The following GRAMD1A variants were observed in gnomAD, a reference collection of about 807,000 sequenced individuals.
GRAMD1A encodes GRAM domain containing 1A.
In GRAMD1A, 50 loss-of-function variants were observed where a neutral mutation model predicts 92.0. That is an observed-to-expected ratio of 0.54 (90% CI 0.43 to 0.69). GRAMD1A has a LOEUF of 0.69. Ranked by LOEUF, GRAMD1A falls within the 30% of genes least tolerant of loss-of-function variation. GRAMD1A has a pLI of 0.00. For missense variants in GRAMD1A, 819 were observed against 978.9 expected, an observed-to-expected ratio of 0.84 and a Z score of 2.18; for synonymous variants, 405 against 403.6, an observed-to-expected ratio of 1.00 and a Z score of -0.04.
In GRAMD1A at chr19:35,009,986, C is replaced by G; in HGVS notation, c.325+14C>G. ...GCCTCATTGTGGGTGAGTCCCGGAC[C>G]CCCAGTCCCAGCTCCTAGCCCAGCC... On this transcript the variant is annotated intron_variant, in intron 4 of 19. Coordinates refer to ENST00000317991, the MANE Select transcript of GRAMD1A (RefSeq NM_020895.5). 1 of 1,594,366 alleles carries G rather than the reference C, an allele frequency of 6.3e-7. No homozygotes were observed. The highest frequency in any genetic ancestry group is 1.7e-4 in the Middle Eastern group (1 of 6,028).
chr19:35,009,799 T>A, intron 3 of GRAMD1A, 89 bp from the exon 4 acceptor site: 1 of 822,840 alleles, frequency 1.2e-6, no homozygotes, highest in Non-Finnish European at 2.2e-6. Context: ...GTCAGGGACT[T>A]AAGAGACTGA....
At chr19:34,998,583 G>T (rs2014141689), upstream of GRAMD1A, 1 of 152,158 alleles carries the variant, frequency 6.6e-6, no homozygotes, top group South Asian at 2.1e-4. Context: ...GATTACAGGC[G>T]TGACCCAACG....
intron 17 of GRAMD1A, 92 bp downstream of exon 17, chr19:35,023,003 CA>C: frequency 9.2e-7 from 1 of 1,084,700 alleles, no homozygotes; most frequent in Admixed American, 2.1e-5. Context: ...CCAGCTCCCC[CA>C]GGGAGGTGGC....
intron 7 of GRAMD1A, among the ~76,000 whole-genome samples, chr19:35,012,601 C>T (rs1339296000): frequency 6.6e-6 from 1 of 152,126 alleles, no homozygotes; most frequent in Non-Finnish European, 1.5e-5. Flanking sequence ...GACCAAGTCA[C>T]TTGGTGACCT....
Position 35,021,394 on chromosome 19 carries a change from C to T in GRAMD1A, c.1476-108C>T. Reference sequence around the variant, plus strand: ...ACCCATCTGTTTTGTCTGTGAGTGACAAGGGGCCCTCTCTGAATTAGGGGA... The same window carrying T: ...ACCCATCTGTTTTGTCTGTGAGTGATAAGGGGCCCTCTCTGAATTAGGGGA... On this transcript the variant is annotated intron_variant, in intron 13 of 19. Transcript: ENST00000317991. This position sits in a 1 kb window ranked among gnomAD's most constrained non-coding sequence, Gnocchi z 5.3. The T allele has an allele frequency of 2.5e-6, 2 of 797,348 alleles. No individual in the cohort carries two copies. The highest frequency in any genetic ancestry group is 3.0e-5 in the South Asian group (2 of 67,782). 49.4% of individuals were successfully genotyped at this position (797,348 alleles called of 1,614,324 possible). A position where few individuals can be genotyped will look rare whatever the true frequency, so the allele number is the denominator to read the frequency against.
At chr19:35,016,947 A>C (rs1004315798) in intron 11 of GRAMD1A, among the ~76,000 whole-genome samples, 7 of 150,002 alleles carry the variant, frequency 4.7e-5, no homozygotes, top group African/African-American at 1.7e-4. Flanking sequence ...CAAGGTGGGA[A>C]GTTCATGTCA....
intron 7 of GRAMD1A, among the ~76,000 whole-genome samples, chr19:35,011,895 C>G (rs940904101): frequency 6.6e-6 from 1 of 152,180 alleles, no homozygotes; most frequent in African/African-American, 2.4e-5. Flanking sequence ...CCTCAGAGAG[C>G]CCCAGCCCCA....
chr19:35,009,795 G>A (rs2015085192), intron 3 of GRAMD1A, 93 bp from the exon 4 acceptor site: 7 of 805,656 alleles, frequency 8.7e-6, no homozygotes, highest in Admixed American at 5.2e-5. Flanking sequence ...ATCTGTCAGG[G>A]ACTTAAGAGA....
upstream of GRAMD1A, chr19:34,994,770 C>T (rs535015889): frequency 5.9e-5 from 9 of 152,400 alleles, no homozygotes; most frequent in African/African-American, 9.6e-5. Context: ...CCTGGTCTAC[C>T]GCCCTTCCCC....
chr19:35,023,092 C>T (rs2016188062), intron 17 of GRAMD1A, 144 bp from the exon 18 acceptor site: 2 of 805,174 alleles, frequency 2.5e-6, no homozygotes, highest in Middle Eastern at 2.3e-4. Flanking sequence ...GACTGTGCAA[C>T]CCTAGGCATG....
intron 13 of GRAMD1A, among the ~76,000 whole-genome samples, chr19:35,020,158 G>A (rs2015945459): frequency 6.6e-6 from 1 of 152,184 alleles, no homozygotes; most frequent in Non-Finnish European, 1.5e-5. Flanking sequence ...TTGGGAGGCT[G>A]AGGCAGGAGT....
intron 1 of GRAMD1A, among the ~76,000 whole-genome samples, chr19:35,004,133 G>A (rs182397904): frequency 9.9e-5 from 15 of 152,270 alleles, no homozygotes; most frequent in Admixed American, 3.3e-4. Context: ...GGAAGCTAAG[G>A]CTGGAGGATC....
upstream of GRAMD1A, among the ~76,000 whole-genome samples, chr19:34,999,021 G>A (rs945405382): frequency 2.0e-5 from 3 of 152,114 alleles, no homozygotes; most frequent in African/African-American, 7.2e-5. Flanking sequence ...AGCTGGGGCA[G>A]GGCTCTGAGC....
At chr19:35,009,730 G>C (rs981137898) in intron 3 of GRAMD1A, 158 bp from the exon 4 acceptor site, 1 of 661,512 alleles carries the variant, frequency 1.5e-6, no homozygotes, top group African/African-American at 1.8e-5. Context: ...GCTTACATAA[G>C]AAATCTGTAA....
At chr19:35,018,625 G>A (rs1373582268) in intron 11 of GRAMD1A, among the ~76,000 whole-genome samples, 1 of 152,208 alleles carries the variant, frequency 6.6e-6, no homozygotes, top group Non-Finnish European at 1.5e-5. Flanking sequence ...TTAACAAGAT[G>A]CCCCTGGACC....
At position 35,010,207 on chromosome 19, in the gene GRAMD1A, G is replaced by C. The variant is rs376965696; in HGVS notation, c.429+12G>C. 1.9e-5 allele frequency: 30 copies of C among 1,604,426 alleles called. No homozygotes were observed. Among genetic ancestry groups the C allele is most frequent in the Non-Finnish European group, 2.5e-5 (29 of 1,171,232 alleles). ...GCTGGGAGACCACGGTGAGCCCGCA[G>C]CGGGGCAGGGTACAGGGGCGGGGGC... On this transcript the variant is annotated intron_variant, in intron 5 of 19. Transcript: ENST00000317991.
intron 1 of GRAMD1A, among the ~76,000 whole-genome samples, chr19:35,007,345 G>A (rs2014895806): frequency 6.6e-6 from 1 of 151,998 alleles, no homozygotes. Flanking sequence ...CCTGAGGTCA[G>A]GAAGGAGTTC....
rs1568337787 is a variant in GRAMD1A at position 35,021,473 on chromosome 19, A to ACCT, written c.1476-25_1476-23dup. 4 of 1,542,094 alleles carry ACCT rather than the reference A, an allele frequency of 2.6e-6. No individual in the cohort carries two copies. The Admixed American group carries it at 5.0e-5, about 19-fold the overall frequency. ...CAGCCAGGGCTGGAGTCAGACCCTT[A>ACCT]CCTCCTTCCCCTGATCTCCCAACCC... On this transcript the variant is annotated intron_variant, in intron 13 of 19. Coordinates refer to ENST00000317991, the MANE Select transcript of GRAMD1A (RefSeq NM_020895.5). The surrounding 1 kb of genome is among the most constrained non-coding windows in gnomAD (Gnocchi z 5.3).
Position 35,015,856 on chromosome 19 carries a change from G to C in GRAMD1A, c.1102G>C (p.Gly368Arg). ...DLAALLPDLS[G>R]RLLINSVFHV... The stretch of plus-strand genomic sequence containing the variant: ...GGCTGCCCTGCTTCCCGACCTCTCC[G>C]GCCGCCTCCTCATCAACTCTGTCTT... The change falls in exon 11 of 20, where the codon GGC (glycine) becomes CGC (arginine). Residue 368 changes from glycine to arginine, a missense_variant. Physicochemically the swap from Gly to Arg is moderately radical, Grantham distance 125 (BLOSUM62 -2). This residue lies in a region of GRAMD1A where 577 missense variants were observed against 674.6 expected (regional missense o/e 0.86). Transcript: ENST00000317991. 1 of 1,613,946 alleles carries C rather than the reference G, an allele frequency of 6.2e-7. No homozygotes were observed. Among genetic ancestry groups the C allele is most frequent in the South Asian group, 1.1e-5 (1 of 91,066 alleles).
Sources: allele counts gnomAD v4.1 joint callset (sites outside exome capture counted in the v4.1 genomes callset), GRCh38; gene constraint gnomAD v4.1.1; regional missense constraint gnomAD v4.1.1; non-coding constraint Gnocchi (gnomAD v3.1); transcripts MANE v1.5; gene names NCBI Gene and HGNC (gene_info 2026-07-23, HGNC 2026-07-21).